Variants in LDLRAD3 observed in about 807,000 individuals in gnomAD.
The protein encoded by LDLRAD3 is low density lipoprotein receptor class A domain containing 3.
In LDLRAD3, 20 loss-of-function variants were observed where a neutral mutation model predicts 29.4. The observed-to-expected ratio is 0.68, with a 90% CI of 0.48 to 0.99. LDLRAD3 has a LOEUF of 0.99. Among genes scored for constraint, LDLRAD3 ranks in the 50% least tolerant of loss-of-function variants. LDLRAD3 has a pLI of 0.00. For missense variants in LDLRAD3, 420 were observed against 454.3 expected (o/e 0.92, Z 0.69); for synonymous variants, 157 against 192.7 (o/e 0.81, Z 1.53).
intron 4 of LDLRAD3, among the ~76,000 whole-genome samples, chr11:36,169,912 G>A (rs1854570374): frequency 1.3e-5 from 2 of 152,022 alleles, no homozygotes; most frequent in African/African-American, 2.4e-5. Context: ...GGTGCTGTTT[G>A]GTTCCATGGA....
chr11:36,081,441 T>C (rs1466386093), intron 2 of LDLRAD3, among the ~76,000 whole-genome samples: 1 of 152,246 alleles, frequency 6.6e-6, no homozygotes, highest in Admixed American at 6.5e-5. Context: ...TCCTCTTGGG[T>C]ACTTTTGAAG....
At chr11:36,027,363 A>G (rs568909692) in intron 1 of LDLRAD3, among the ~76,000 whole-genome samples, 2 of 152,288 alleles carry the variant, frequency 1.3e-5, no homozygotes, top group South Asian at 2.1e-4. Flanking sequence ...TCATTTTGTC[A>G]GAAAATTCTA....
At chr11:36,126,734 A>T (rs543834646) in intron 4 of LDLRAD3, among the ~76,000 whole-genome samples, 24 of 152,172 alleles carry the variant, frequency 1.6e-4, no homozygotes, top group Admixed American at 3.3e-4. Flanking sequence ...TCCTGGTGTT[A>T]TTTGGTATGT....
intron 1 of LDLRAD3, chr11:35,972,889 GAAAATACAAA>G (rs1851430979): frequency 6.6e-6 from 1 of 151,748 alleles, no homozygotes; most frequent in South Asian, 2.1e-4. Context: ...CGTCTCTACT[GAAAATACAAA>G]AAAATTAGCC....
intron 1 of LDLRAD3, among the ~76,000 whole-genome samples, chr11:36,021,476 A>T (rs1852095332): frequency 6.6e-6 from 1 of 152,152 alleles, no homozygotes; most frequent in Non-Finnish European, 1.5e-5. Flanking sequence ...GATCTAGCTG[A>T]TCCAAAGCAG....
intron 2 of LDLRAD3, among the ~76,000 whole-genome samples, chr11:36,041,774 C>G (rs1451213427): frequency 6.6e-6 from 1 of 152,160 alleles, no homozygotes; most frequent in Non-Finnish European, 1.5e-5. Context: ...TTGGGGTCGT[C>G]TTCCCAAGGC....
intron 1 of LDLRAD3, among the ~76,000 whole-genome samples, chr11:36,010,615 C>G (rs1348452033): frequency 2.6e-5 from 4 of 152,186 alleles, no homozygotes; most frequent in Non-Finnish European, 5.9e-5. Context: ...GTTCTATAGT[C>G]TGGCACTTAA....
At chr11:36,046,639 G>A (rs1053835377) in intron 2 of LDLRAD3, among the ~76,000 whole-genome samples, 1 of 152,036 alleles carries the variant, frequency 6.6e-6, no homozygotes, top group Non-Finnish European at 1.5e-5. Context: ...ACATTCACAG[G>A]TCCCAGGGCA....
At chr11:36,162,926 A>G (rs1363029320) in intron 4 of LDLRAD3, among the ~76,000 whole-genome samples, 1 of 152,222 alleles carries the variant, frequency 6.6e-6, no homozygotes, top group African/African-American at 2.4e-5. Flanking sequence ...GATCCTATCC[A>G]CAAGGGCTCA....
At position 36,231,835 on chromosome 11, in the gene LDLRAD3, A is replaced by G. The variant is rs993271081; in HGVS notation, c.*2438A>G. ...CTCATTCCAACCAGGAAGCTTTTTT[A>G]TACATTGCCTAAATCTACGCCAACC... On this transcript the variant is annotated 3_prime_UTR_variant, in exon 6 of 6. Transcript: ENST00000315571. 1 of 152,134 alleles carries G rather than the reference A, an allele frequency of 6.6e-6. No individual in the cohort carries two copies. The highest frequency in any genetic ancestry group is 2.4e-5 in the African/African-American group (1 of 41,418). 9.4% of individuals were successfully genotyped at this position (152,134 alleles called of 1,614,324 possible).
intron 4 of LDLRAD3, among the ~76,000 whole-genome samples, chr11:36,172,423 T>C (rs887867962): frequency 1.3e-5 from 2 of 152,068 alleles, no homozygotes; most frequent in Non-Finnish European, 2.9e-5. Flanking sequence ...GGGACTGCTT[T>C]CAACTATTCC....
At chr11:36,078,691 A>G (rs185773456) in intron 2 of LDLRAD3, among the ~76,000 whole-genome samples, 67 of 152,206 alleles carry the variant, frequency 4.4e-4, no homozygotes, top group Non-Finnish European at 7.4e-5. Context: ...TGCCTGCTCC[A>G]TGCTTCTGCT....
At chr11:36,209,353 C>CTTTTTTTTTTTTT in intron 4 of LDLRAD3, among the ~76,000 whole-genome samples, 1 of 68,604 alleles carries the variant, frequency 1.5e-5, no homozygotes, top group Non-Finnish European at 2.7e-5. Context: ...AGAAACTGTA[C>CTTTTTTTTTTTTT]TTTTTTTTTT....
chr11:36,103,486 G>A (rs1413573576), intron 4 of LDLRAD3, among the ~76,000 whole-genome samples: 8 of 152,020 alleles, frequency 5.3e-5, no homozygotes, highest in South Asian at 2.1e-4. Flanking sequence ...TGATCCGCCC[G>A]CCTCGGCCTC....
chr11:36,081,540 A>T, intron 2 of LDLRAD3, 113 bp from the exon 3 acceptor site: 1 of 1,376,450 alleles, frequency 7.3e-7, no homozygotes, highest in Non-Finnish European at 1.0e-6. Context: ...AGCTTCAAGG[A>T]CTTTAAGATG....
intron 1 of LDLRAD3, among the ~76,000 whole-genome samples, chr11:35,951,674 G>A (rs1160145118): frequency 6.6e-6 from 1 of 152,158 alleles, no homozygotes; most frequent in African/African-American, 2.4e-5. Flanking sequence ...AATTCATGCT[G>A]TTTCCCTGCC....
In LDLRAD3 at chr11:36,146,002, T is replaced by TAAAAA. The variant is rs367591997; in HGVS notation, c.454+47545_454+47549dup. Among the ~76,000 whole-genome samples the TAAAAA allele has an allele frequency of 2.3e-4, 32 of 138,624 alleles. 1 individual carries two copies. The highest frequency in any genetic ancestry group is 4.2e-4 in the Admixed American group (6 of 14,154). The allele number at this position is 138,624 out of a possible 152,430, so 90.9% of individuals were successfully genotyped here. On this transcript the variant is annotated intron_variant, in intron 4 of 5. Transcript: ENST00000315571. The stretch of plus-strand genomic sequence containing the variant: ...GCGAGAAACACCCAAGAATGATCAA[T>TAAAAA]AAAAAAAAGAAAAAAAAAAGTGTTG...
chr11:35,999,856 G>T (rs543588450), intron 1 of LDLRAD3, among the ~76,000 whole-genome samples: 51 of 152,280 alleles, frequency 3.3e-4, no homozygotes, highest in African/African-American at 1.2e-3. Flanking sequence ...CAGGCAGGGT[G>T]ATCCTTGCAT....
At chr11:36,077,207 C>T (rs984297165) in intron 2 of LDLRAD3, among the ~76,000 whole-genome samples, 2 of 152,218 alleles carry the variant, frequency 1.3e-5, no homozygotes. Context: ...TTCCCACTCA[C>T]ACCCTGTAGA....
Sources: gnomAD v4.1 joint callset for allele counts (sites outside exome capture counted in the v4.1 genomes callset) on GRCh38, gnomAD v4.1.1 for gene constraint, MANE v1.5 for transcripts, NCBI Gene and HGNC (gene_info 2026-07-23, HGNC 2026-07-21) for gene names.